GMPS: variants seen among roughly 807,000 people sequenced by gnomAD.
The protein encoded by GMPS is GMP synthase [glutamine-hydrolyzing].
Under a neutral mutation model 77.9 loss-of-function variants are expected in GMPS, and 15 were observed. The ratio of observed to expected loss-of-function variants is 0.19; its 90% CI spans 0.13 to 0.30. The LOEUF is 0.30. GMPS is among the 10% of genes least tolerant of loss of function. The probability of loss-of-function intolerance (pLI) is 1.00; values close to 1 mark genes in which losing one functional copy is unlikely to be tolerated. For synonymous variants in GMPS, 224 were observed against 275.9 expected (o/e 0.81, Z 1.86); for missense variants, 590 against 838.8 (o/e 0.70, Z 3.66).
chr3:155,925,108 C>G, intron 11 of GMPS, 133 bp from the exon 12 acceptor site: 1 of 707,162 alleles, frequency 1.4e-6, no homozygotes, highest in South Asian at 2.1e-5. Flanking sequence ...GTGCATAGCA[C>G]ACACAACTCA....
intron 5 of GMPS, among the ~76,000 whole-genome samples, chr3:155,908,171 AG>A (rs1240106703): frequency 6.6e-6 from 1 of 152,238 alleles, no homozygotes; most frequent in Non-Finnish European, 1.5e-5. Context: ...CAGCGTTGTC[AG>A]GATCAGGATA....
intron 14 of GMPS, 139 bp downstream of exon 14, chr3:155,935,185 G>C: frequency 4.3e-6 from 3 of 697,510 alleles, no homozygotes; most frequent in Non-Finnish European, 5.0e-6. Flanking sequence ...CTATGATGTT[G>C]CTTTTTTTTC....
chr3:155,900,980 C>T (rs1754721242), intron 3 of GMPS, among the ~76,000 whole-genome samples: 1 of 152,158 alleles, frequency 6.6e-6, no homozygotes, highest in African/African-American at 2.4e-5. Context: ...TAACTGGACT[C>T]TCCTGTCAGA....
chr3:155,894,585 C>A (rs146247381), intron 2 of GMPS, among the ~76,000 whole-genome samples: 9 of 152,054 alleles, frequency 5.9e-5, no homozygotes, highest in African/African-American at 2.2e-4. Flanking sequence ...AAGACTGTTA[C>A]GTAGAAGCAA....
Position 155,898,061 on chromosome 3 carries a change from T to C in GMPS, c.324+20T>C. ...ATGCAGGTATGTCAGCAAATTTGTT[T>C]TGAAAGCTTACTTATATTTTATTCT... On this transcript the variant is annotated intron_variant, in intron 3 of 15. Transcript: ENST00000496455. The C allele has an allele frequency of 8.6e-7, 1 of 1,162,822 alleles. No individual in the cohort carries two copies. The allele number at this position is 1,162,822 out of a possible 1,614,324, so 72.0% of individuals were successfully genotyped here. A position where few individuals can be genotyped will look rare whatever the true frequency, so the allele number is the denominator to read the frequency against.
chr3:155,892,373 A>T (rs980157245), intron 1 of GMPS, among the ~76,000 whole-genome samples: 28 of 152,130 alleles, frequency 1.8e-4, no homozygotes, highest in Non-Finnish European at 1.9e-4. Context: ...ACAAACAAAA[A>T]AGCAAACAAA....
rs144967176 is a variant in GMPS at position 155,910,084 on chromosome 3, A to C, written c.527-608A>C. 3.3e-3 allele frequency among the ~76,000 whole-genome samples: 501 copies of C among 151,478 alleles called. 4 individuals are homozygous for C. The highest frequency in any genetic ancestry group is 0.011 in the African/African-American group (459 of 41,202). ...ATGGTGAAACCCTGTCTCTACTAAA[A>C]ATATAAAAGAAATAAGCCGAGCGTG... is the stretch of plus-strand genomic sequence containing the variant. On this transcript the variant is annotated intron_variant, in intron 5 of 15. Coordinates refer to ENST00000496455, the MANE Select transcript of GMPS (RefSeq NM_003875.3).
chr3:155,901,435 A>C (rs1754735041), intron 3 of GMPS, among the ~76,000 whole-genome samples: 1 of 152,024 alleles, frequency 6.6e-6, no homozygotes, highest in African/African-American at 2.4e-5. Context: ...GTTTCTTTCT[A>C]TTATAGACAA....
chr3:155,893,060 C>T (rs897409811), intron 1 of GMPS, among the ~76,000 whole-genome samples: 2 of 152,210 alleles, frequency 1.3e-5, no homozygotes, highest in Non-Finnish European at 2.9e-5. Context: ...CTTCTAGTTT[C>T]CCCATCAGTA....
Position 155,941,611 on chromosome 3 carries a change from C to T in GMPS, c.*3919C>T, listed in dbSNP as rs1755894126. ...ATCTCATTGATATGTGGCGAGGACA[C>T]GCCTTAGCTATCACCCCAATGGATG... On this transcript the variant is annotated 3_prime_UTR_variant, in exon 16 of 16. Coordinates refer to ENST00000496455, the MANE Select transcript of GMPS (RefSeq NM_003875.3). 1.8e-5 allele frequency: 4 copies of T among 220,956 alleles called. No homozygotes were observed. Among genetic ancestry groups the T allele is most frequent in the Non-Finnish European group, 2.7e-5 (3 of 110,444 alleles). The allele number at this position is 220,956 out of a possible 1,614,324, so 13.7% of individuals were successfully genotyped here.
In GMPS at chr3:155,941,558, C is replaced by G. The variant is rs1315683770; in HGVS notation, c.*3866C>G. On this transcript the variant is annotated 3_prime_UTR_variant, in exon 16 of 16. Coordinates refer to ENST00000496455, the MANE Select transcript of GMPS (RefSeq NM_003875.3). Reference sequence around the variant, plus strand: ...ACATCTGCTTGCGCAATGTTATAACCACTTTCCCACACTACTCCCCTCCAG... The same window carrying G: ...ACATCTGCTTGCGCAATGTTATAACGACTTTCCCACACTACTCCCCTCCAG... 4 of 220,654 alleles carry G rather than the reference C, an allele frequency of 1.8e-5. No individual in the cohort carries two copies. In the East Asian group the frequency reaches 2.6e-4, roughly 15 times the overall value. 13.7% of individuals were successfully genotyped at this position (220,654 alleles called of 1,614,324 possible). A position where few individuals can be genotyped will look rare whatever the true frequency, so the allele number is the denominator to read the frequency against.
intron 4 of GMPS, among the ~76,000 whole-genome samples, 200 bp from the exon 5 acceptor site, chr3:155,905,960 G>A (rs187005417): frequency 7.3e-4 from 111 of 151,356 alleles, no homozygotes; most frequent in African/African-American, 2.7e-3. Flanking sequence ...TTTATGGATT[G>A]CCTTTTTTAA....
At chr3:155,877,372 A>T (rs62286797) in intron 1 of GMPS, among the ~76,000 whole-genome samples, 6,598 of 152,212 alleles carry the variant, frequency 0.043, 252 homozygotes, top group East Asian at 0.18. Context: ...TAACAGCTTT[A>T]TTGAGATATA....
At chr3:155,919,850 A>G (rs1336676927) in intron 10 of GMPS, among the ~76,000 whole-genome samples, 1 of 152,208 alleles carries the variant, frequency 6.6e-6, no homozygotes, top group African/African-American at 2.4e-5. Flanking sequence ...TTGCTGTCAT[A>G]TAGAAAAAAA....
At chr3:155,932,934 G>A (rs1755662879) in intron 13 of GMPS, among the ~76,000 whole-genome samples, 1 of 152,226 alleles carries the variant, frequency 6.6e-6, no homozygotes, top group Non-Finnish European at 1.5e-5. Context: ...GCTCACGCCT[G>A]TAATCCCACC....
rs1317158851 is a variant in GMPS at position 155,942,388 on chromosome 3, A to G, written c.*4696A>G. ...CAGGCGTGAGCCACCACGCCCGGCA[A>G]GCATTTACAGTTTTAAATCTCCCAG... On this transcript the variant is annotated 3_prime_UTR_variant, in exon 16 of 16. Transcript: ENST00000496455. The G allele has an allele frequency of 4.7e-6, 1 of 210,664 alleles. No homozygotes were observed. Among genetic ancestry groups the G allele is most frequent in the Admixed American group, 5.9e-5 (1 of 16,984 alleles). The allele number at this position is 210,664 out of a possible 1,614,324, so 13.0% of individuals were successfully genotyped here.
intron 2 of GMPS, among the ~76,000 whole-genome samples, chr3:155,894,806 C>T (rs997879716): frequency 1.8e-4 from 27 of 152,218 alleles, no homozygotes; most frequent in African/African-American, 6.0e-4. Flanking sequence ...TTATAAAAGG[C>T]GGGCTTAAAT....
intron 3 of GMPS, 114 bp downstream of exon 3, chr3:155,898,155 A>C (rs1754647112): frequency 1.4e-6 from 1 of 710,368 alleles, no homozygotes; most frequent in South Asian, 1.6e-5. Context: ...TGGATGAGAT[A>C]ACTTGTGCAT....
intron 1 of GMPS, among the ~76,000 whole-genome samples, chr3:155,875,995 A>G (rs77336326): frequency 8.9e-4 from 135 of 152,326 alleles, no homozygotes; most frequent in African/African-American, 3.0e-3. Flanking sequence ...TTAAATTTAT[A>G]ATAATTGCTG....
Sources: gnomAD v4.1 joint callset for allele counts (sites outside exome capture counted in the v4.1 genomes callset) on GRCh38, gnomAD v4.1.1 for gene constraint, MANE v1.5 for transcripts, NCBI Gene and HGNC (gene_info 2026-07-23, HGNC 2026-07-21) for gene names.